The following ASXL1 variants were observed in gnomAD, a reference collection of about 807,000 sequenced individuals.
ASXL1 encodes the protein polycomb group protein ASXL1.
In ASXL1, 65 loss-of-function variants were observed where a neutral mutation model predicts 89.1. The ratio of observed to expected loss-of-function variants is 0.73; its 90% CI spans 0.60 to 0.90. The LOEUF (loss-of-function observed/expected upper bound fraction) is 0.90. Ranked by LOEUF, ASXL1 falls within the 40% of genes least tolerant of loss-of-function variation. The probability of loss-of-function intolerance (pLI) is 0.00; values close to 1 mark genes in which losing one functional copy is unlikely to be tolerated. For missense variants in ASXL1, 1,786 were observed against 1,942.9 expected, an observed-to-expected ratio of 0.92 and a Z score of 1.52; for synonymous variants, 739 against 746.9, an observed-to-expected ratio of 0.99 and a Z score of 0.17.
chr20:32,404,273 C>T (rs1033043599), intron 4 of ASXL1, among the ~76,000 whole-genome samples: 6 of 152,156 alleles, frequency 3.9e-5, no homozygotes, highest in Non-Finnish European at 1.5e-5. Flanking sequence ...ATTTATCTTT[C>T]TGTGCCTCTT....
chr20:32,418,386 C>CA (rs2049174846), intron 4 of ASXL1, among the ~76,000 whole-genome samples: 1 of 151,950 alleles, frequency 6.6e-6, no homozygotes, highest in Non-Finnish European at 1.5e-5. Context: ...AAAACAAAAA[C>CA]AAAAAATACG....
At chr20:32,372,245 C>T in intron 4 of ASXL1, 1 of 1,314,216 alleles carries the variant, frequency 7.6e-7, no homozygotes. Context: ...CTGCTGTAAG[C>T]TTGGGAGTGG....
At chr20:32,383,353 C>T (rs2048521897) in intron 4 of ASXL1, among the ~76,000 whole-genome samples, 1 of 151,762 alleles carries the variant, frequency 6.6e-6, no homozygotes, top group Admixed American at 6.6e-5. Flanking sequence ...GTCGCCCAGG[C>T]TAGAGTGCAG....
chr20:32,358,721 A>G lies in ASXL1; in HGVS notation c.-55A>G. On this transcript the variant is annotated 5_prime_UTR_variant, in exon 1 of 13. Transcript: ENST00000375687. ...CGCCCCAGCCCCGCGCCACCGCCCCAGCCCGCCCAGCCCGGAGGTCCCGCG... is the reference window on the plus strand; with the variant it reads ...CGCCCCAGCCCCGCGCCACCGCCCCGGCCCGCCCAGCCCGGAGGTCCCGCG... The G allele has an allele frequency of 3.9e-6, 2 of 515,356 alleles. No individual in the cohort carries two copies. The highest frequency in any genetic ancestry group is 1.2e-4 in the East Asian group (1 of 8,300). 31.9% of individuals were successfully genotyped at this position (515,356 alleles called of 1,614,324 possible). A position where few individuals can be genotyped will look rare whatever the true frequency, so the allele number is the denominator to read the frequency against.
chr20:32,434,157 C>A, intron 12 of ASXL1: 1 of 721,536 alleles, frequency 1.4e-6, no homozygotes, highest in Admixed American at 2.9e-5. Flanking sequence ...GTTTTAAAAT[C>A]TTTTTAAGAT....
rs566676378 is a variant in ASXL1, at chr20:32,399,498, A to AT, written c.253-28616dup. On this transcript the variant is annotated intron_variant, in intron 4 of 12. Coordinates refer to ENST00000375687, the MANE Select transcript of ASXL1 (RefSeq NM_015338.6). ...GTTTATAGCTTTCTTCAGGTTTCGG[A>AT]TTTTTTTTTTTTTTGGCCATTTTTT... Among the ~76,000 whole-genome samples, 666 of 98,260 alleles carry AT rather than the reference A, an allele frequency of 6.8e-3. 1 individual carries two copies. The highest frequency in any genetic ancestry group is 0.024 in the South Asian group (77 of 3,176). 64.5% of individuals were successfully genotyped at this position (98,260 alleles called of 152,430 possible). A position where few individuals can be genotyped will look rare whatever the true frequency, so the allele number is the denominator to read the frequency against.
intron 4 of ASXL1, 144 bp from the exon 5 acceptor site, chr20:32,427,984 G>T: frequency 8.5e-7 from 1 of 1,182,326 alleles, no homozygotes. Context: ...AGAACTTGCT[G>T]AGAAAAAGGT....
intron 4 of ASXL1, among the ~76,000 whole-genome samples, chr20:32,373,602 C>T (rs947132289): frequency 1.1e-4 from 17 of 152,014 alleles, no homozygotes; most frequent in Non-Finnish European, 2.2e-4. Context: ...TGCGATGGCT[C>T]ATGCCTGTAA....
intron 10 of ASXL1, among the ~76,000 whole-genome samples, chr20:32,431,899 T>G (rs1272205570): frequency 6.6e-6 from 1 of 152,236 alleles, no homozygotes; most frequent in Non-Finnish European, 1.5e-5. Flanking sequence ...ATTGTATGTA[T>G]GTACTCATTC....
chr20:32,432,415 T>G (rs1600580456), intron 10 of ASXL1: 2 of 208,270 alleles, frequency 9.6e-6, no homozygotes, highest in East Asian at 2.4e-4. Context: ...GCTTGGCACA[T>G]ACCCAGCTTC....
chr20:32,392,239 C>T (rs1444165101), intron 4 of ASXL1, among the ~76,000 whole-genome samples: 2 of 150,996 alleles, frequency 1.3e-5, no homozygotes, highest in Non-Finnish European at 2.9e-5. Context: ...TGCAGTCTCC[C>T]GAGAAGCTGG....
chr20:32,358,476 C>A lies in ASXL1; in HGVS notation c.-300C>A, dbSNP rs1231920388. On this transcript the variant is annotated 5_prime_UTR_variant, in exon 1 of 13. Coordinates refer to ENST00000375687, the MANE Select transcript of ASXL1 (RefSeq NM_015338.6). ...CGGAGGCCGGAGCCGTGACCTCTGA[C>A]CCCGTGGTTATGCGGAGCCGCCGCA... 1 of 231,596 alleles carries A rather than the reference C, an allele frequency of 4.3e-6. No homozygotes were observed. The allele number at this position is 231,596 out of a possible 1,614,324, so 14.3% of individuals were successfully genotyped here.
At chr20:32,428,304 C>A in intron 5 of ASXL1, 21 bp from the exon 6 acceptor site, 2 of 1,614,158 alleles carry the variant, frequency 1.2e-6, no homozygotes, top group Non-Finnish European at 1.7e-6. Flanking sequence ...AGGGACTAAC[C>A]TTTATTTTCC....
intron 4 of ASXL1, among the ~76,000 whole-genome samples, chr20:32,374,674 T>A (rs1043748257): frequency 6.6e-6 from 1 of 152,102 alleles, no homozygotes; most frequent in Non-Finnish European, 1.5e-5. Context: ...TCTCTTGTTA[T>A]ATGCCTCATC....
intron 8 of ASXL1, 73 bp downstream of exon 8, chr20:32,430,126 C>G (rs1228806865): frequency 2.0e-6 from 3 of 1,522,438 alleles, no homozygotes; most frequent in Non-Finnish European, 2.6e-6. Flanking sequence ...ATGATGTCTT[C>G]TATTCCAATT....
chr20:32,358,877 G>A, intron 1 of ASXL1, 45 bp downstream of exon 1: 1 of 1,458,852 alleles, frequency 6.9e-7, no homozygotes, highest in Non-Finnish European at 9.1e-7. Flanking sequence ...CCGGGGTGGG[G>A]GGGGCTCGCC....
intron 1 of ASXL1, chr20:32,359,048 C>G (rs1292530943): frequency 5.4e-5 from 33 of 611,260 alleles, no homozygotes; most frequent in Non-Finnish European, 8.0e-5. Flanking sequence ...CTCGCGCCCC[C>G]CCCGCCCCGC....
Position 32,429,098 on chromosome 20 carries a change from A to C in ASXL1, c.472-240A>C. 1.9e-6 allele frequency: 1 copy of C among 524,136 alleles called. No homozygotes were observed. The highest frequency in any genetic ancestry group is 3.5e-6 in the Non-Finnish European group (1 of 288,928). The allele number at this position is 524,136 out of a possible 1,614,324, so 32.5% of individuals were successfully genotyped here. Reference sequence around the variant, plus strand: ...CTTACTAGCCTTGAGACTTGGGGAAAATTCCTTACCTGTAAAATGGGGATA... The same window carrying C: ...CTTACTAGCCTTGAGACTTGGGGAACATTCCTTACCTGTAAAATGGGGATA... On this transcript the variant is annotated intron_variant, in intron 6 of 12. Transcript: ENST00000375687. This position sits in a 1 kb window ranked among gnomAD's most constrained non-coding sequence, Gnocchi z 4.9.
chr20:32,397,533 G>A (rs1302182286), intron 4 of ASXL1, among the ~76,000 whole-genome samples: 1 of 150,800 alleles, frequency 6.6e-6, no homozygotes, highest in East Asian at 2.0e-4. Flanking sequence ...CCGAGTAGCT[G>A]GGATTACAGG....
Sources: allele counts gnomAD v4.1 joint callset (sites outside exome capture counted in the v4.1 genomes callset), GRCh38; gene constraint gnomAD v4.1.1; non-coding constraint Gnocchi (gnomAD v3.1); transcripts MANE v1.5; gene names NCBI Gene and HGNC (gene_info 2026-07-23, HGNC 2026-07-21).